The following FAM167A variants were observed in gnomAD, a reference collection of about 807,000 sequenced individuals.
The protein encoded by FAM167A is protein FAM167A.
FAM167A carries 23 observed loss-of-function variants against 14.9 expected under a neutral mutation model. That is an observed-to-expected ratio of 1.55 (90% CI 1.11 to 2.19). FAM167A has a LOEUF of 2.19. Among genes scored for constraint, FAM167A ranks in the 30% most tolerant of loss-of-function variants. The pLI is 0.00. For missense variants in FAM167A, 401 were observed against 281.5 expected, an observed-to-expected ratio of 1.42 and a Z score of -3.04; for synonymous variants, 174 against 117.7, an observed-to-expected ratio of 1.48 and a Z score of -3.10.
At chr8:11,459,933 G>A (rs1807471991) in intron 1 of FAM167A, among the ~76,000 whole-genome samples, 1 of 152,136 alleles carries the variant, frequency 6.6e-6, no homozygotes. Flanking sequence ...TCACCATATT[G>A]GCCAGGCTGG....
intron 2 of FAM167A, chr8:11,438,462 G>C: frequency 2.2e-6 from 1 of 457,356 alleles, no homozygotes; most frequent in Non-Finnish European, 4.4e-6. Flanking sequence ...GAAGTACAAG[G>C]TGAAGAATGC....
intron 1 of FAM167A, among the ~76,000 whole-genome samples, chr8:11,454,871 C>T (rs1392278155): frequency 3.3e-5 from 5 of 152,312 alleles, no homozygotes; most frequent in Admixed American, 1.3e-4. Context: ...GACAGGGACA[C>T]AGCCCTGGGC....
At chr8:11,424,888 G>A (rs79924610) in intron 2 of FAM167A, among the ~76,000 whole-genome samples, 3,586 of 152,302 alleles carry the variant, frequency 0.024, 149 homozygotes, top group African/African-American at 0.082. Flanking sequence ...CATGCATATT[G>A]GTCCTGGCTA....
chr8:11,443,642 G>C (rs1427557138), intron 2 of FAM167A: 2 of 197,342 alleles, frequency 1.0e-5, no homozygotes, highest in African/African-American at 4.7e-5. Context: ...GGTCCCCGGA[G>C]TGGCAGGCAG....
In FAM167A at chr8:11,444,150, CCT is replaced by C. The variant is rs1563375768; in HGVS notation, c.260_261del (p.Glu87GlyfsTer31). The C allele has an allele frequency of 6.2e-7, 1 of 1,613,134 alleles. No homozygotes were observed. Among genetic ancestry groups the C allele is most frequent in the East Asian group, 2.2e-5 (1 of 44,874 alleles). On this transcript the variant is annotated frameshift_variant, in exon 2 of 3. Transcript: ENST00000284486. LOFTEE classifies it high-confidence loss of function. ...CTGGCAGAAGGGGGGTGCTGCCCAG[CCT>C]CTCTCAGGGGGAGCAAGGGCTCCTG... ...GGQEPLLPLR[E>X]AGQHPPSARS... is the part of the protein sequence containing the mutation.
Position 11,444,645 on chromosome 8 carries a change from C to A in FAM167A, c.-234G>T. On this transcript the variant is annotated 5_prime_UTR_variant, in exon 2 of 3. Transcript: ENST00000284486. ...TCGGGTCTATGATCCGTCCTGGAAG[C>A]CTGTGGGTGCCATGCTCCACAGAAG... The A allele has an allele frequency of 2.3e-6, 3 of 1,309,894 alleles. No homozygotes were observed. The highest frequency in any genetic ancestry group is 2.9e-6 in the Non-Finnish European group (3 of 1,032,414). The allele number at this position is 1,309,894 out of a possible 1,614,324, so 81.1% of individuals were successfully genotyped here.
chr8:11,435,941 A>G (rs1210735921), intron 2 of FAM167A, among the ~76,000 whole-genome samples: 1 of 152,120 alleles, frequency 6.6e-6, no homozygotes, highest in Admixed American at 6.5e-5. Context: ...CACAGAGCAA[A>G]CCATTCAGTT....
intron 2 of FAM167A, 97 bp from the exon 3 acceptor site, chr8:11,424,733 C>A: frequency 6.7e-7 from 1 of 1,481,698 alleles, no homozygotes; most frequent in Non-Finnish European, 9.1e-7. Flanking sequence ...TGTCTTAGTT[C>A]ATTAAGTGGT....
At chr8:11,431,522 T>C (rs73207498) in intron 2 of FAM167A, among the ~76,000 whole-genome samples, 29,111 of 152,216 alleles carry the variant, frequency 0.19, 3,096 homozygotes, top group Middle Eastern at 0.25. Flanking sequence ...AAATGGTACA[T>C]TTTATATTAT....
chr8:11,424,285 C>T lies in FAM167A; in HGVS notation c.*88G>A. On this transcript the variant is annotated 3_prime_UTR_variant, in exon 3 of 3. Coordinates refer to ENST00000284486, the MANE Select transcript of FAM167A (RefSeq NM_053279.3). ...CCAGGGACCCCTGCCTCCGGGAGAC[C>T]CACTGGAGTAACTTGGCCTCAGCTT... The T allele has an allele frequency of 1.3e-6, 2 of 1,560,678 alleles. No individual in the cohort carries two copies. The highest frequency in any genetic ancestry group is 1.7e-6 in the Non-Finnish European group (2 of 1,148,076).
intron 1 of FAM167A, among the ~76,000 whole-genome samples, chr8:11,453,301 T>C (rs1181473033): frequency 6.6e-6 from 1 of 152,202 alleles, no homozygotes; most frequent in African/African-American, 2.4e-5. Flanking sequence ...GCCTCCCAAG[T>C]AGCTGGAACT....
chr8:11,427,531 T>TGA (rs1490137145), intron 2 of FAM167A, among the ~76,000 whole-genome samples: 1 of 152,226 alleles, frequency 6.6e-6, no homozygotes, highest in Non-Finnish European at 1.5e-5. Flanking sequence ...AAATGAGCCC[T>TGA]GAGATGCCCT....
At chr8:11,439,455 G>C (rs940272831) in intron 2 of FAM167A, among the ~76,000 whole-genome samples, 3 of 152,266 alleles carry the variant, frequency 2.0e-5, no homozygotes, top group African/African-American at 7.2e-5. Context: ...GGTTAACAGG[G>C]AGAGGGCAGC....
chr8:11,471,306 C>T (rs922476202), upstream of FAM167A, among the ~76,000 whole-genome samples: 2 of 152,106 alleles, frequency 1.3e-5, no homozygotes, highest in East Asian at 1.9e-4. Flanking sequence ...CTGCAGGGCT[C>T]GGCGCAACTG....
intron 1 of FAM167A, among the ~76,000 whole-genome samples, chr8:11,454,615 G>T (rs947202353): frequency 1.3e-5 from 2 of 152,218 alleles, no homozygotes; most frequent in African/African-American, 4.8e-5. Flanking sequence ...GTGGTGCAGG[G>T]CAAAGCTCAT....
chr8:11,453,954 T>C (rs1224126351), intron 1 of FAM167A, among the ~76,000 whole-genome samples: 2 of 152,184 alleles, frequency 1.3e-5, no homozygotes, highest in Non-Finnish European at 2.9e-5. Context: ...CCCACACTCC[T>C]TGGGGTTGCT....
chr8:11,475,023 C>G (rs534221764), intron 1 of FAM167A, among the ~76,000 whole-genome samples: 1 of 152,122 alleles, frequency 6.6e-6, no homozygotes, highest in South Asian at 2.1e-4. Context: ...CCATGGGAGT[C>G]CCCTGGACAC....
At chr8:11,465,150 G>T (rs1311041130) in intron 1 of FAM167A, among the ~76,000 whole-genome samples, 1 of 152,138 alleles carries the variant, frequency 6.6e-6, no homozygotes, top group Non-Finnish European at 1.5e-5. Context: ...TAGAAGAAAT[G>T]GCTTTCCTGG....
rs541838652 is a variant in FAM167A at position 11,456,970 on chromosome 8, G to T, written c.-398+9656C>A. Among the ~76,000 whole-genome samples, 9 of 36,734 alleles carry T rather than the reference G, an allele frequency of 2.5e-4. No individual in the cohort carries two copies. The South Asian group carries it at 6.4e-3, about 26-fold the overall frequency. 24.1% of individuals were successfully genotyped at this position (36,734 alleles called of 152,430 possible). A position where few individuals can be genotyped will look rare whatever the true frequency, so the allele number is the denominator to read the frequency against. On this transcript the variant is annotated intron_variant, in intron 1 of 2. Transcript: ENST00000284486. ...GGGCTGGGTTAGGGAAGTGGGCGGG[G>T]CTGGGTTAGGGATGTAGGTGGGGCT... is the stretch of plus-strand genomic sequence containing the variant.
Sources: allele counts gnomAD v4.1 joint callset (sites outside exome capture counted in the v4.1 genomes callset), GRCh38; gene constraint gnomAD v4.1.1; transcripts MANE v1.5; gene names NCBI Gene and HGNC (gene_info 2026-07-23, HGNC 2026-07-21).